The following EIF4G3 variants were observed in gnomAD, a reference collection of about 807,000 sequenced individuals.
The protein encoded by EIF4G3 is eIF-4-gamma 3.
Under a neutral mutation model 186.4 loss-of-function variants are expected in EIF4G3, and 34 were observed. The ratio of observed to expected loss-of-function variants is 0.18; its 90% CI spans 0.14 to 0.24. The LOEUF (loss-of-function observed/expected upper bound fraction) is 0.24, where lower values mean the gene tolerates loss of function less well. Among genes scored for constraint, EIF4G3 ranks in the 10% least tolerant of loss-of-function variants. The pLI is 1.00. For synonymous variants in EIF4G3, 673 were observed against 679.5 expected, an observed-to-expected ratio of 0.99 and a Z score of 0.15; for missense variants, 1,536 against 1,948.5, an observed-to-expected ratio of 0.79 and a Z score of 3.99.
chr1:20,842,428 C>T (rs572988985), intron 29 of EIF4G3, among the ~76,000 whole-genome samples: 55 of 152,262 alleles, frequency 3.6e-4, no homozygotes, highest in Middle Eastern at 3.4e-3. Flanking sequence ...AGTGCAATGA[C>T]GTAATCTTGG....
chr1:20,892,745 C>T, intron 18 of EIF4G3: 1 of 1,492,548 alleles, frequency 6.7e-7, no homozygotes, highest in Non-Finnish European at 9.0e-7. Context: ...GAAACAAAGA[C>T]AAAGACATGA....
chr1:21,050,892 G>A lies in EIF4G3; in HGVS notation c.-93C>T, dbSNP rs1380596702. ...TGAGAGAGTCCAGGGGACGATGCAT[G>A]TCCCGGGGGCGTTGCCGCAAGATTT... On this transcript the variant is annotated 5_prime_UTR_variant, in exon 4 of 37. Coordinates refer to ENST00000602326, the MANE Select transcript of EIF4G3 (RefSeq NM_001391906.1). 1 of 712,600 alleles carries A rather than the reference G, an allele frequency of 1.4e-6. No individual in the cohort carries two copies. Among genetic ancestry groups the A allele is most frequent in the Admixed American group, 2.1e-5 (1 of 48,366 alleles). 44.1% of individuals were successfully genotyped at this position (712,600 alleles called of 1,614,324 possible).
chr1:20,894,174 A>G (rs181065775), intron 17 of EIF4G3, among the ~76,000 whole-genome samples: 2 of 152,298 alleles, frequency 1.3e-5, no homozygotes, highest in Admixed American at 1.3e-4. Context: ...AATCTGAGAT[A>G]TCTGACTTTG....
chr1:20,957,300 T>C (rs1052639181), intron 12 of EIF4G3, among the ~76,000 whole-genome samples: 5 of 151,982 alleles, frequency 3.3e-5, no homozygotes, highest in Non-Finnish European at 1.5e-5. Context: ...GGTATCTGGG[T>C]TAATAATGAA....
intron 19 of EIF4G3, among the ~76,000 whole-genome samples, chr1:20,880,288 A>G (rs1386214297): frequency 6.6e-6 from 1 of 152,232 alleles, no homozygotes; most frequent in African/African-American, 2.4e-5. Context: ...TACATAGACA[A>G]TCATAAGGAA....
intron 20 of EIF4G3, among the ~76,000 whole-genome samples, chr1:20,872,154 G>A (rs1198891880): frequency 6.6e-6 from 1 of 151,984 alleles, no homozygotes; most frequent in Non-Finnish European, 1.5e-5. Flanking sequence ...ACGGGGTCTT[G>A]CTCTGTCACC....
chr1:21,040,108 T>C (rs953899039), intron 4 of EIF4G3, among the ~76,000 whole-genome samples: 6 of 152,256 alleles, frequency 3.9e-5, no homozygotes, highest in African/African-American at 1.2e-4. Context: ...TAATGTTGAC[T>C]GACAGCTAGA....
At chr1:21,040,355 C>T (rs1313928072) in intron 4 of EIF4G3, among the ~76,000 whole-genome samples, 2 of 152,204 alleles carry the variant, frequency 1.3e-5, no homozygotes, top group African/African-American at 4.8e-5. Flanking sequence ...AAGCTCTGTG[C>T]CCCTTCCCCC....
intron 28 of EIF4G3, 53 bp from the exon 29 acceptor site, chr1:20,849,583 A>T: frequency 1.3e-6 from 1 of 792,882 alleles, no homozygotes; most frequent in Non-Finnish European, 2.0e-6. Context: ...TACTATTAAA[A>T]TAGTGAGATT....
chr1:21,086,199 C>CTTTTTT (rs397979515), intron 3 of EIF4G3, among the ~76,000 whole-genome samples: 3 of 95,220 alleles, frequency 3.2e-5, no homozygotes, highest in African/African-American at 8.7e-5. Flanking sequence ...ACATGATACT[C>CTTTTTT]TTTTTTTTTT....
At chr1:20,930,273 T>G (rs922269520) in intron 14 of EIF4G3, among the ~76,000 whole-genome samples, 5 of 152,136 alleles carry the variant, frequency 3.3e-5, no homozygotes, top group African/African-American at 1.2e-4. Flanking sequence ...ACAATGAAGT[T>G]TGCTCCAACA....
intron 26 of EIF4G3, among the ~76,000 whole-genome samples, chr1:20,854,275 T>A (rs1557930646): frequency 6.6e-6 from 1 of 152,160 alleles, no homozygotes; most frequent in Non-Finnish European, 1.5e-5. Context: ...TCCCTAAAAT[T>A]ATAGTAAATG....
chr1:20,863,738 C>T (rs1289861051), intron 22 of EIF4G3, among the ~76,000 whole-genome samples: 1 of 149,590 alleles, frequency 6.7e-6, no homozygotes, highest in Admixed American at 6.7e-5. Context: ...GCCACCGTGC[C>T]CGGCTGACCC....
intron 6 of EIF4G3, among the ~76,000 whole-genome samples, chr1:21,000,791 A>G (rs1171878032): frequency 2.1e-4 from 28 of 136,548 alleles, no homozygotes. Flanking sequence ...CAAAAATTGT[A>G]TAGAGGATAG....
At chr1:20,871,161 G>A (rs1007663460) in intron 20 of EIF4G3, among the ~76,000 whole-genome samples, 1 of 152,140 alleles carries the variant, frequency 6.6e-6, no homozygotes, top group African/African-American at 2.4e-5. Context: ...TACAAAAGAG[G>A]TTTTAAATGG....
chr1:21,020,710 C>T (rs1319751948), intron 4 of EIF4G3, among the ~76,000 whole-genome samples: 1 of 152,050 alleles, frequency 6.6e-6, no homozygotes, highest in Non-Finnish European at 1.5e-5. Flanking sequence ...CCAACTAAAA[C>T]ATTTTAAAAT....
intron 2 of EIF4G3, among the ~76,000 whole-genome samples, chr1:21,136,980 A>G (rs2097257302): frequency 6.6e-6 from 1 of 152,138 alleles, no homozygotes; most frequent in African/African-American, 2.4e-5. Flanking sequence ...TATCTCACTA[A>G]TAATTTTTAT....
intron 2 of EIF4G3, among the ~76,000 whole-genome samples, chr1:21,150,959 G>A (rs2097539709): frequency 6.6e-6 from 1 of 152,170 alleles, no homozygotes. Context: ...CTGGGCAACA[G>A]AGTGAGACTC....
chr1:20,999,234 AAT>A (rs2082950728), intron 6 of EIF4G3: 3 of 271,928 alleles, frequency 1.1e-5, no homozygotes, highest in Non-Finnish European at 2.2e-5. Flanking sequence ...TAATCAATAT[AAT>A]ATAGTTTTTC....
Sources: gnomAD v4.1 joint callset for allele counts (sites outside exome capture counted in the v4.1 genomes callset) on GRCh38, gnomAD v4.1.1 for gene constraint, MANE v1.5 for transcripts, NCBI Gene and HGNC (gene_info 2026-07-23, HGNC 2026-07-21) for gene names.